The following DNAAF5 variants were observed in gnomAD, a reference collection of about 807,000 sequenced individuals.
DNAAF5 encodes the protein dynein axonemal assembly factor 5, also known as HEAT repeat containing 2.
Under a neutral mutation model 75.8 loss-of-function variants are expected in DNAAF5, and 64 were observed. The ratio of observed to expected loss-of-function variants is 0.84; its 90% CI spans 0.69 to 1.04. The LOEUF (loss-of-function observed/expected upper bound fraction) is 1.04. DNAAF5 is among the 50% of genes least tolerant of loss of function. The pLI, the probability that DNAAF5 is intolerant of heterozygous loss-of-function variation, is 0.00. For synonymous variants in DNAAF5, 657 were observed against 557.2 expected (o/e 1.18, Z -2.52); for missense variants, 1,269 against 1,178.5 (o/e 1.08, Z -1.12).
At chr7:760,119 AGCTCCG>A (rs1232615646) in intron 6 of DNAAF5, among the ~76,000 whole-genome samples, 2 of 94,010 alleles carry the variant, frequency 2.1e-5, no homozygotes, top group Admixed American at 1.2e-4. Flanking sequence ...CGGCTCCTCC[AGCTCCG>A]AGGGAGATGG....
rs1782413483 is a variant in DNAAF5 at position 754,288 on chromosome 7, C to T, written c.1025-301C>T. 2.0e-5 allele frequency among the ~76,000 whole-genome samples: 3 copies of T among 152,156 alleles called. No individual in the cohort carries two copies. Among genetic ancestry groups the T allele is most frequent in the Admixed American group, 1.3e-4 (2 of 15,268 alleles). On this transcript the variant is annotated intron_variant, in intron 4 of 12. Transcript: ENST00000297440. This position sits in a 1 kb window ranked among gnomAD's most constrained non-coding sequence, Gnocchi z 4.8. ...CACAGGCATGCACCACGGCACCTGGCTAATCTTCCTGTTTTTTATAGAGAT... is the reference window on the plus strand; with the variant it reads ...CACAGGCATGCACCACGGCACCTGGTTAATCTTCCTGTTTTTTATAGAGAT...
chr7:745,589 C>A (rs983631879), intron 4 of DNAAF5, among the ~76,000 whole-genome samples: 29 of 152,130 alleles, frequency 1.9e-4, no homozygotes, highest in African/African-American at 6.5e-4. Context: ...ATATACACAT[C>A]TGCACACGTA....
At chr7:781,075 G>A (rs1430924569) in intron 12 of DNAAF5, among the ~76,000 whole-genome samples, 1 of 152,076 alleles carries the variant, frequency 6.6e-6, no homozygotes, top group Non-Finnish European at 1.5e-5. Context: ...TTAAATGTGT[G>A]ATAAATTATT....
At chr7:759,827 G>A (rs765407413) in intron 6 of DNAAF5, among the ~76,000 whole-genome samples, 2 of 152,142 alleles carry the variant, frequency 1.3e-5, no homozygotes, top group Non-Finnish European at 2.9e-5. Flanking sequence ...GAGGGGCTGT[G>A]TCTTCTAAAC....
In DNAAF5 at chr7:741,370, A is replaced by G. The variant is rs1198355936; in HGVS notation, c.929A>G (p.Glu310Gly). 1 of 1,588,142 alleles carries G rather than the reference A, an allele frequency of 6.3e-7. No homozygotes were observed. The highest frequency in any genetic ancestry group is 8.6e-7 in the Non-Finnish European group (1 of 1,168,420). Residue 310 changes from glutamate (E) to glycine (G), a missense_variant, in exon 4 of 13, where the codon GAG (glutamate) becomes GGG (glycine). Transcript: ENST00000297440. ...AGGCAGCTGGCTGCCAGCCTCTGGG[A>G]GGACGTTGGCCTGCAGTGGCAGAAG... ...EVRQLAASLW[E>G]DVGLQWQKEN...
chr7:784,424 G>A (rs917625226), intron 12 of DNAAF5, among the ~76,000 whole-genome samples: 10 of 152,176 alleles, frequency 6.6e-5, no homozygotes, highest in African/African-American at 2.4e-4. Context: ...AAGACTGAAG[G>A]CGGAGACCTT....
In DNAAF5 at chr7:756,933, C is replaced by G; in HGVS notation, c.1409C>G (p.Pro470Arg). The G allele has an allele frequency of 6.2e-7, 1 of 1,609,450 alleles. No homozygotes were observed. Among genetic ancestry groups the G allele is most frequent in the Non-Finnish European group, 8.5e-7 (1 of 1,179,970 alleles). Residue 470 changes from proline to arginine, a missense_variant, in exon 6 of 13, where the codon CCG becomes CGG. Transcript: ENST00000297440. The stretch of plus-strand genomic sequence containing the variant: ...GGTTGCCCCCGAGAAGCCCTCCAGC[C>G]GCACCTGGCAGCCATCGCCACAGAG... ...MRGCPREALQ[P>R]HLAAIATELA... is the part of the protein sequence containing the mutation.
chr7:773,576 A>T (rs1439594258), intron 9 of DNAAF5, among the ~76,000 whole-genome samples: 1 of 152,114 alleles, frequency 6.6e-6, no homozygotes, highest in Non-Finnish European at 1.5e-5. Flanking sequence ...GCCTCTGTGA[A>T]GCCGCAGCGA....
In DNAAF5 at chr7:741,431, T is replaced by G; in HGVS notation, c.990T>G (p.Phe330Leu). Residue 330 changes from phenylalanine (F) to leucine (L), a missense_variant, in exon 4 of 13, where the codon TTT becomes TTG. By Grantham distance (22) the Phe-to-Leu change is conservative. Coordinates refer to ENST00000297440, the MANE Select transcript of DNAAF5 (RefSeq NM_017802.4). ...AGGACCTGAAGGACAAGCTGGACTT[T>G]GCCCCTCCCACCCCACCCCATTACC... The part of the protein sequence containing the change: ...NEEDLKDKLD[F>L]APPTPPHYPP... The G allele has an allele frequency of 6.4e-7, 1 of 1,564,608 alleles. No individual in the cohort carries two copies. The highest frequency in any genetic ancestry group is 8.7e-7 in the Non-Finnish European group (1 of 1,153,210).
At chr7:736,525 C>T (rs1781744613) in intron 2 of DNAAF5, among the ~76,000 whole-genome samples, 1 of 152,136 alleles carries the variant, frequency 6.6e-6, no homozygotes. Context: ...GCTATTCCTG[C>T]TCTTTCTTGC....
In DNAAF5 at chr7:726,879, G is replaced by C; in HGVS notation, c.159G>C (p.Leu53=). 1.5e-6 allele frequency: 2 copies of C among 1,327,340 alleles called. No homozygotes were observed. The allele number at this position is 1,327,340 out of a possible 1,614,324, so 82.2% of individuals were successfully genotyped here. A position where few individuals can be genotyped will look rare whatever the true frequency, so the allele number is the denominator to read the frequency against. Residue 53 remains leucine (L), a synonymous_variant, in exon 1 of 13, where the codon CTG becomes CTC. Transcript: ENST00000297440. ...KPGRRRALEA[L]RRALEEPGPA... is the part of the protein sequence containing the mutation. Reference sequence around the variant, plus strand: ...GCCGGCGGCGCGCCTTGGAGGCCCTGCGGCGCGCGCTGGAGGAGCCAGGCC... The same window carrying C: ...GCCGGCGGCGCGCCTTGGAGGCCCTCCGGCGCGCGCTGGAGGAGCCAGGCC...
intron 4 of DNAAF5, among the ~76,000 whole-genome samples, chr7:749,826 G>C (rs867494975): frequency 6.6e-6 from 1 of 152,128 alleles, no homozygotes. Context: ...AGCCTCCCGA[G>C]TAGCTGTGAT....
intron 1 of DNAAF5, among the ~76,000 whole-genome samples, chr7:728,761 G>A (rs1191651576): frequency 6.6e-6 from 1 of 152,168 alleles, no homozygotes; most frequent in East Asian, 1.9e-4. Flanking sequence ...ACTGGTTGCT[G>A]TGGGGTGAGG....
At chr7:761,109 A>C (rs1471757225) in intron 6 of DNAAF5, among the ~76,000 whole-genome samples, 1 of 152,248 alleles carries the variant, frequency 6.6e-6, no homozygotes, top group Non-Finnish European at 1.5e-5. Context: ...TCACTAACGC[A>C]GCTTCTCCAC....
intron 4 of DNAAF5, among the ~76,000 whole-genome samples, chr7:746,789 T>C (rs1207826506): frequency 6.6e-6 from 1 of 152,174 alleles, no homozygotes; most frequent in Non-Finnish European, 1.5e-5. Context: ...GCACCGCCTC[T>C]GTCCCCTGCA....
intron 4 of DNAAF5, among the ~76,000 whole-genome samples, chr7:749,848 A>G (rs1236253520): frequency 1.3e-5 from 2 of 152,094 alleles, no homozygotes. Flanking sequence ...ACAGACGCGC[A>G]CCACCGCACC....
At chr7:785,356 G>A (rs1034510738) in intron 12 of DNAAF5, among the ~76,000 whole-genome samples, 161 bp from the exon 13 acceptor site, 4 of 151,234 alleles carry the variant, frequency 2.6e-5, no homozygotes, top group Admixed American at 2.0e-4. Context: ...CGGATCACTC[G>A]TATCCGCATT....
intron 12 of DNAAF5, among the ~76,000 whole-genome samples, chr7:783,856 T>C (rs889933151): frequency 1.3e-5 from 2 of 152,128 alleles, no homozygotes; most frequent in Non-Finnish European, 2.9e-5. Context: ...AGGACCTTGC[T>C]CTAGGCCGAG....
chr7:730,782 G>C (rs1443270759), intron 2 of DNAAF5, among the ~76,000 whole-genome samples: 1 of 146,036 alleles, frequency 6.8e-6, no homozygotes, highest in Non-Finnish European at 1.5e-5. Context: ...GACACAGGGG[G>C]ACCCTTTCCC....
Sources: gnomAD v4.1 joint callset for allele counts (sites outside exome capture counted in the v4.1 genomes callset) on GRCh38, gnomAD v4.1.1 for gene constraint, Gnocchi (gnomAD v3.1) non-coding constraint, MANE v1.5 for transcripts, NCBI Gene and HGNC (gene_info 2026-07-23, HGNC 2026-07-21) for gene names.